The following EML1 variants were observed in gnomAD, a reference collection of about 807,000 sequenced individuals.
The protein encoded by EML1 is EMAP like 1.
EML1 carries 27 observed loss-of-function variants against 110.4 expected under a neutral mutation model. The observed-to-expected ratio is 0.24, with a 90% CI of 0.18 to 0.34. The LOEUF (loss-of-function observed/expected upper bound fraction) is 0.34, where lower values mean the gene tolerates loss of function less well. Among genes scored for constraint, EML1 ranks in the 10% least tolerant of loss-of-function variants. EML1 has a pLI of 1.00. For synonymous variants in EML1, 344 were observed against 385.8 expected (o/e 0.89, Z 1.27); for missense variants, 741 against 1,030.9 (o/e 0.72, Z 3.85).
intron 9 of EML1, among the ~76,000 whole-genome samples, chr14:99,903,252 G>C (rs2059789830): frequency 1.3e-5 from 2 of 152,172 alleles, no homozygotes; most frequent in Non-Finnish European, 2.9e-5. Flanking sequence ...TCTTCTATTA[G>C]TTTGGTTCAT....
At chr14:99,795,769 C>T (rs889582045) in intron 1 of EML1, among the ~76,000 whole-genome samples, 2 of 152,252 alleles carry the variant, frequency 1.3e-5, no homozygotes, top group East Asian at 3.9e-4. Context: ...GGCAAGACAG[C>T]AGCATAATAC....
chr14:99,900,906 C>T, intron 8 of EML1, 23 bp from the exon 9 acceptor site: 1 of 1,596,286 alleles, frequency 6.3e-7, no homozygotes, highest in Non-Finnish European at 8.6e-7. Flanking sequence ...CAATTGATGG[C>T]TCTGTGTTTC....
chr14:99,795,695 G>T (rs933887945), intron 1 of EML1, among the ~76,000 whole-genome samples: 1 of 152,174 alleles, frequency 6.6e-6, no homozygotes, highest in African/African-American at 2.4e-5. Context: ...TAAACATTTG[G>T]ATATTTCATT....
At chr14:99,768,396 A>T (rs767767681), upstream of EML1, among the ~76,000 whole-genome samples, 1 of 151,962 alleles carries the variant, frequency 6.6e-6, no homozygotes, top group Non-Finnish European at 1.5e-5. Flanking sequence ...GGCAGGAAGG[A>T]TTGTGGGGTT....
intron 1 of EML1, chr14:99,850,184 C>A: frequency 1.3e-6 from 1 of 770,098 alleles, no homozygotes. Flanking sequence ...AGCAGTCTGC[C>A]TACCTCAGCC....
Position 99,911,582 on chromosome 14 carries a change from T to C in EML1, c.1494+6T>C, listed in dbSNP as rs748414570. ...AAAAACTTCGTAAAACGGAGGTAAG[T>C]CATCAAGGCTACTGCTAAAATTTGT... On this transcript the variant is annotated splice_donor_region_variant and intron_variant, in intron 13 of 21. Transcript: ENST00000262233. The C allele has an allele frequency of 6.2e-7, 1 of 1,610,148 alleles. No individual in the cohort carries two copies.
chr14:99,764,266 G>T (rs1205227912), intron 1 of EML1, among the ~76,000 whole-genome samples: 1 of 152,226 alleles, frequency 6.6e-6, no homozygotes, highest in Non-Finnish European at 1.5e-5. Context: ...TCTTCACCCA[G>T]GTTGTTCTCC....
chr14:99,818,080 A>G (rs919484899), intron 1 of EML1, among the ~76,000 whole-genome samples: 4 of 152,028 alleles, frequency 2.6e-5, no homozygotes, highest in East Asian at 1.9e-4. Flanking sequence ...AGAAACCACA[A>G]ATAGTTCAGT....
intron 1 of EML1, among the ~76,000 whole-genome samples, chr14:99,748,921 C>G (rs1272359936): frequency 6.6e-6 from 1 of 152,184 alleles, no homozygotes; most frequent in African/African-American, 2.4e-5. Context: ...AACACGTGGC[C>G]TTTTGTGCCT....
intron 1 of EML1, among the ~76,000 whole-genome samples, chr14:99,776,805 G>A (rs551582007): frequency 6.6e-6 from 1 of 152,300 alleles, no homozygotes; most frequent in African/African-American, 2.4e-5. Context: ...TCTCAACAGA[G>A]TGGCCAGTAT....
chr14:99,910,735 T>C (rs954803293), intron 12 of EML1, among the ~76,000 whole-genome samples: 5 of 152,246 alleles, frequency 3.3e-5, no homozygotes, highest in Non-Finnish European at 7.3e-5. Flanking sequence ...AATTATGTGC[T>C]AGACACTGTG....
rs566030418 is a variant in EML1, at chr14:99,779,622, G to T, written c.-27+5609G>T. Among the ~76,000 whole-genome samples the T allele has an allele frequency of 2.0e-5, 3 of 152,276 alleles. No individual in the cohort carries two copies. The Middle Eastern group carries it at 0.01, about 518-fold the overall frequency. On this transcript the variant is annotated intron_variant, in intron 1 of 22. Coordinates refer to the EML1 transcript ENST00000327921. Reference sequence around the variant, plus strand: ...ATTTCCCAACCTGCCCAACCTCTAGGTCTTTCCACAAGACTTCGTCATATT... The same window carrying T: ...ATTTCCCAACCTGCCCAACCTCTAGTTCTTTCCACAAGACTTCGTCATATT...
intron 1 of EML1, among the ~76,000 whole-genome samples, chr14:99,821,960 G>T (rs576119072): frequency 6.6e-6 from 1 of 152,354 alleles, no homozygotes; most frequent in South Asian, 2.1e-4. Context: ...CAAGAAGGCA[G>T]GTTGAAGCAC....
At chr14:99,756,560 T>C (rs1311419003) in intron 1 of EML1, among the ~76,000 whole-genome samples, 1 of 152,146 alleles carries the variant, frequency 6.6e-6, no homozygotes, top group Non-Finnish European at 1.5e-5. Flanking sequence ...TTTGGAGCCA[T>C]ATGACAGTCT....
chr14:99,777,716 G>T (rs192188237), intron 1 of EML1, among the ~76,000 whole-genome samples: 34 of 152,282 alleles, frequency 2.2e-4, no homozygotes, highest in African/African-American at 7.9e-4. Flanking sequence ...CACCACGCCC[G>T]CTGCCTTTAC....
At chr14:99,763,114 A>T (rs1018067396) in intron 1 of EML1, among the ~76,000 whole-genome samples, 2 of 151,988 alleles carry the variant, frequency 1.3e-5, no homozygotes, top group Non-Finnish European at 2.9e-5. Context: ...CCCTGCACAA[A>T]CTCTCTCTTT....
intron 8 of EML1, among the ~76,000 whole-genome samples, chr14:99,898,996 G>A (rs1334171796): frequency 6.6e-6 from 1 of 152,076 alleles, no homozygotes; most frequent in African/African-American, 2.4e-5. Context: ...TGTGAATGTC[G>A]TTTAACAGTC....
At chr14:99,826,527 A>G (rs570171310) in intron 1 of EML1, among the ~76,000 whole-genome samples, 13 of 152,246 alleles carry the variant, frequency 8.5e-5, no homozygotes, top group Admixed American at 5.2e-4. Flanking sequence ...CAAGGGCCCA[A>G]GTTTGATCAC....
At chr14:99,869,973 A>T (rs2059167529) in intron 3 of EML1, among the ~76,000 whole-genome samples, 2 of 152,182 alleles carry the variant, frequency 1.3e-5, no homozygotes, top group African/African-American at 4.8e-5. Context: ...TGAGGCAATT[A>T]AACCTCTTTT....
Sources: allele counts gnomAD v4.1 joint callset (sites outside exome capture counted in the v4.1 genomes callset), GRCh38; gene constraint gnomAD v4.1.1; transcripts MANE v1.5; gene names NCBI Gene and HGNC (gene_info 2026-07-23, HGNC 2026-07-21).